Variants in TMEM200A observed in about 807,000 individuals in gnomAD.
TMEM200A encodes two transmembrane C.
A neutral mutation model predicts 24.3 loss-of-function variants in TMEM200A; 12 were observed. The observed-to-expected ratio is 0.49, with a 90% CI of 0.32 to 0.80. TMEM200A has a LOEUF of 0.80. TMEM200A is among the 30% of genes least tolerant of loss of function. The pLI is 0.04. For synonymous variants in TMEM200A, 224 were observed against 224.4 expected (o/e 1.00, Z 0.02); for missense variants, 545 against 614.4 (o/e 0.89, Z 1.19).
At chr6:130,438,597 G>C (rs1780076874) in intron 2 of TMEM200A, 1 of 152,148 alleles carries the variant, frequency 6.6e-6, no homozygotes, top group Non-Finnish European at 1.5e-5. Context: ...TTTTTAACTA[G>C]GAAAGTTAGT....
intron 2 of TMEM200A, among the ~76,000 whole-genome samples, chr6:130,411,573 G>A (rs551406989): frequency 2.1e-4 from 32 of 152,264 alleles, no homozygotes; most frequent in African/African-American, 7.5e-4. Context: ...ATCATGTGTT[G>A]AATTTAGTGG....
Position 130,401,974 on chromosome 6 carries a change from A to G in TMEM200A, c.-17+16738A>G, listed in dbSNP as rs377458027. Among the ~76,000 whole-genome samples the G allele has an allele frequency of 1.1e-4, 16 of 151,954 alleles. 2 individuals are homozygous for G. Among genetic ancestry groups the G allele is most frequent in the African/African-American group, 1.2e-4 (5 of 41,468 alleles). On this transcript the variant is annotated intron_variant, in intron 2 of 2. Coordinates refer to ENST00000296978, the MANE Select transcript of TMEM200A (RefSeq NM_001258277.2). Reference sequence around the variant, plus strand: ...TAGGGACAGTGTACCTTTGTCTGACATGCAGTTTCTTTCTGTTTGCTGTTT... The same window carrying G: ...TAGGGACAGTGTACCTTTGTCTGACGTGCAGTTTCTTTCTGTTTGCTGTTT...
At position 130,441,803 on chromosome 6, in the gene TMEM200A, C is replaced by G; in HGVS notation, c.1381C>G (p.Leu461Val). Residue 461 changes from leucine (L) to valine (V), a missense_variant, in exon 3 of 3, where the codon CTT (leucine) becomes GTT (valine). Transcript: ENST00000296978. Reference sequence around the variant, plus strand: ...GGACTTTACCAATAAGGAGAAGCTTCTTATGATTTCAAGATCTCACAATAA... The same window carrying G: ...GGACTTTACCAATAAGGAGAAGCTTGTTATGATTTCAAGATCTCACAATAA... ...KKDFTNKEKL[L>V]MISRSHNNLS... 1 of 1,614,012 alleles carries G rather than the reference C, an allele frequency of 6.2e-7. No homozygotes were observed. The highest frequency in any genetic ancestry group is 8.5e-7 in the Non-Finnish European group (1 of 1,179,960).
At chr6:130,396,206 G>C (rs1445235213) in intron 2 of TMEM200A, among the ~76,000 whole-genome samples, 1 of 152,118 alleles carries the variant, frequency 6.6e-6, no homozygotes, top group Non-Finnish European at 1.5e-5. Flanking sequence ...GTTGTTGCCT[G>C]TAATGGGTGC....
At chr6:130,421,324 C>G (rs116578197) in intron 2 of TMEM200A, 7 of 152,284 alleles carry the variant, frequency 4.6e-5, no homozygotes, top group African/African-American at 1.7e-4. Flanking sequence ...TACCTCCTTA[C>G]GTCCCAAGAC....
rs182823880 is a variant in TMEM200A, at chr6:130,378,656, G to A, written c.-80-6517G>A. On this transcript the variant is annotated intron_variant, in intron 1 of 2. Transcript: ENST00000296978. ...GAGAATCACTTGAACCCGAGAGGTG[G>A]ATGTTGCAGTGAGCCAAGATCGTGC... Among the ~76,000 whole-genome samples the A allele has an allele frequency of 2.6e-3, 384 of 150,478 alleles. 3 individuals carry two copies. The highest frequency in any genetic ancestry group is 8.7e-3 in the African/African-American group (358 of 41,056).
At chr6:130,403,844 G>A (rs142956694) in intron 2 of TMEM200A, among the ~76,000 whole-genome samples, 38 of 151,958 alleles carry the variant, frequency 2.5e-4, no homozygotes, top group Non-Finnish European at 4.9e-4. Context: ...CCTCAAGTAG[G>A]CCCCAGTGTG....
intron 2 of TMEM200A, among the ~76,000 whole-genome samples, chr6:130,398,909 A>C (rs1391490107): frequency 6.6e-6 from 1 of 151,650 alleles, no homozygotes; most frequent in Admixed American, 6.6e-5. Context: ...CATTTTTTTC[A>C]TTGTCCAATT....
At position 130,440,477 on chromosome 6, in the gene TMEM200A, T is replaced by C; in HGVS notation, c.55T>C (p.Ser19Pro). The C allele has an allele frequency of 8.1e-6, 13 of 1,612,068 alleles. No individual in the cohort carries two copies. The highest frequency in any genetic ancestry group is 1.1e-5 in the Non-Finnish European group (13 of 1,179,072). The change falls in exon 3 of 3, where the codon TCT becomes CCT. Residue 19 changes from serine to proline, a missense_variant. Ser to Pro is a moderately conservative substitution (Grantham distance 74). Transcript: ENST00000296978. ...CCTGGCCGCCTTGAAAAGGCAAGAC[T>C]CTGCCAGATCACAGCAGCATGTCAA... is the stretch of plus-strand genomic sequence containing the variant. Reference protein sequence around the residue: ...TGLAALKRQDSARSQQHVNLS... With the variant: ...TGLAALKRQDPARSQQHVNLS...
chr6:130,377,162 A>G (rs1778477535), intron 1 of TMEM200A, among the ~76,000 whole-genome samples: 1 of 152,218 alleles, frequency 6.6e-6, no homozygotes, highest in African/African-American at 2.4e-5. Flanking sequence ...ACTTAGAGCA[A>G]GGGAAAGAGT....
At chr6:130,403,555 CAT>C (rs1779135905) in intron 2 of TMEM200A, among the ~76,000 whole-genome samples, 2 of 137,818 alleles carry the variant, frequency 1.5e-5, no homozygotes. Context: ...TATTTGATAA[CAT>C]GTATTTTTAC....
intron 2 of TMEM200A, 63 bp from the exon 3 acceptor site, chr6:130,440,344 A>G: frequency 1.4e-6 from 2 of 1,438,148 alleles, no homozygotes; most frequent in Admixed American, 2.6e-5. Context: ...GTTTAATTGA[A>G]CTGATGCTCA....
intron 2 of TMEM200A, among the ~76,000 whole-genome samples, chr6:130,386,116 G>A (rs1037532253): frequency 2.0e-5 from 3 of 152,104 alleles, no homozygotes; most frequent in Non-Finnish European, 2.9e-5. Context: ...CTATTGTATT[G>A]AGAGAGCTTT....
intron 1 of TMEM200A, among the ~76,000 whole-genome samples, chr6:130,372,079 C>T (rs1778334092): frequency 6.6e-6 from 1 of 152,208 alleles, no homozygotes; most frequent in Non-Finnish European, 1.5e-5. Context: ...CTTGCCCGAG[C>T]TCCTGGAGCC....
intron 2 of TMEM200A, among the ~76,000 whole-genome samples, chr6:130,432,665 G>T (rs1779906371): frequency 6.6e-6 from 1 of 152,170 alleles, no homozygotes; most frequent in Non-Finnish European, 1.5e-5. Context: ...GCTATTGTTT[G>T]AGAACTTCTT....
rs1308271214 is a variant in TMEM200A at position 130,391,423 on chromosome 6, C to A, written c.-17+6187C>A. Among the ~76,000 whole-genome samples, 4 of 152,200 alleles carry A rather than the reference C, an allele frequency of 2.6e-5. No individual in the cohort carries two copies. The East Asian group carries it at 7.7e-4, about 29-fold the overall frequency. The stretch of plus-strand genomic sequence containing the variant: ...GATATAATTAGACAATGTGTTCACT[C>A]AAAGAAGAGGGAAATCTGGGATAGG... On this transcript the variant is annotated intron_variant, in intron 2 of 2. Coordinates refer to ENST00000296978, the MANE Select transcript of TMEM200A (RefSeq NM_001258277.2).
At chr6:130,380,822 A>G (rs1778578999) in intron 1 of TMEM200A, among the ~76,000 whole-genome samples, 1 of 152,108 alleles carries the variant, frequency 6.6e-6, no homozygotes, top group Non-Finnish European at 1.5e-5. Context: ...TACAATTTTT[A>G]CACTATTAAA....
chr6:130,384,971 A>G (rs1311980379), intron 1 of TMEM200A, among the ~76,000 whole-genome samples: 1 of 152,250 alleles, frequency 6.6e-6, no homozygotes, highest in African/African-American at 2.4e-5. Context: ...TCTCTATCAT[A>G]GCATCTCATC....
Position 130,440,469 on chromosome 6 carries a change from G to T in TMEM200A, c.47G>T (p.Arg16Met). The T allele has an allele frequency of 6.2e-7, 1 of 1,609,036 alleles. No individual in the cohort carries two copies. The highest frequency in any genetic ancestry group is 8.5e-7 in the Non-Finnish European group (1 of 1,177,860). Reference sequence around the variant, plus strand: ...ATAACTGGCCTGGCCGCCTTGAAAAGGCAAGACTCTGCCAGATCACAGCAG... The same window carrying T: ...ATAACTGGCCTGGCCGCCTTGAAAATGCAAGACTCTGCCAGATCACAGCAG... The part of the protein sequence containing the change: ...GVITGLAALK[R>M]QDSARSQQHV... The change falls in exon 3 of 3, where the codon AGG becomes ATG. Residue 16 changes from arginine to methionine, a missense_variant. Transcript: ENST00000296978.
Sources: gnomAD v4.1 joint callset for allele counts (sites outside exome capture counted in the v4.1 genomes callset) on GRCh38, gnomAD v4.1.1 for gene constraint, MANE v1.5 for transcripts, NCBI Gene and HGNC (gene_info 2026-07-23, HGNC 2026-07-21) for gene names.